The following KAZN variants were observed in gnomAD, a reference collection of about 807,000 sequenced individuals.
KAZN encodes the protein kazrin, periplakin interacting protein, also known as kazrin.
KAZN carries 40 observed loss-of-function variants against 87.4 expected under a neutral mutation model. The observed-to-expected ratio is 0.46, with a 90% CI of 0.36 to 0.60. The LOEUF is 0.60. Ranked by LOEUF, KAZN falls within the 20% of genes least tolerant of loss-of-function variation. The probability of loss-of-function intolerance (pLI) is 0.00; values close to 1 mark genes in which losing one functional copy is unlikely to be tolerated. For missense variants in KAZN, 898 were observed against 1,073.9 expected (o/e 0.84, Z 2.29); for synonymous variants, 466 against 458.3 (o/e 1.02, Z -0.22).
At chr1:14,396,665 G>A (rs971830659) in intron 2 of KAZN, among the ~76,000 whole-genome samples, 3 of 152,160 alleles carry the variant, frequency 2.0e-5, no homozygotes, top group Non-Finnish European at 4.4e-5. Flanking sequence ...AAATTGAGAA[G>A]CAGGCCAGTG....
chr1:15,041,062 T>C (rs1672842834), intron 3 of KAZN, among the ~76,000 whole-genome samples: 1 of 151,876 alleles, frequency 6.6e-6, no homozygotes, highest in South Asian at 2.1e-4. Context: ...GCGATTCTCG[T>C]GCCTCAGCCT....
chr1:14,151,275 G>T lies in KAZN; in HGVS notation c.92-29160G>T, dbSNP rs114763231. Reference sequence around the variant, plus strand: ...ATGGTCTCAACTGTACTGTTAAAAAGACACTAAACTGGTAGTTTTGAACCA... The same window carrying T: ...ATGGTCTCAACTGTACTGTTAAAAATACACTAAACTGGTAGTTTTGAACCA... On this transcript the variant is annotated intron_variant, in intron 1 of 16. Coordinates refer to the KAZN transcript ENST00000636203. 8.3e-3 allele frequency among the ~76,000 whole-genome samples: 1,266 copies of T among 152,132 alleles called. 13 individuals carry two copies. Among genetic ancestry groups the T allele is most frequent in the African/African-American group, 0.028 (1,175 of 41,524 alleles).
intron 1 of KAZN, among the ~76,000 whole-genome samples, chr1:14,909,287 G>A (rs1212530949): frequency 6.6e-6 from 1 of 152,122 alleles, no homozygotes; most frequent in Non-Finnish European, 1.5e-5. Flanking sequence ...GAGCATTTAA[G>A]TGCCTTCTTC....
intron 2 of KAZN, among the ~76,000 whole-genome samples, chr1:14,563,874 C>CTTTTTT (rs540880203): frequency 9.2e-5 from 9 of 97,928 alleles, no homozygotes; most frequent in Non-Finnish European, 1.6e-4. Context: ...GTTCAAACTC[C>CTTTTTT]TTTTTTTTTT....
intron 1 of KAZN, among the ~76,000 whole-genome samples, chr1:14,683,914 C>G (rs1171252510): frequency 6.6e-6 from 1 of 152,188 alleles, no homozygotes; most frequent in Non-Finnish European, 1.5e-5. Flanking sequence ...CACACTGATT[C>G]TTGAATGATA....
intron 10 of KAZN, 102 bp downstream of exon 10, chr1:15,095,035 T>C (rs1051263620): frequency 2.6e-6 from 2 of 782,628 alleles, no homozygotes; most frequent in African/African-American, 3.4e-5. Flanking sequence ...CTGAACCAGG[T>C]GGTGGGGGAC....
intron 2 of KAZN, among the ~76,000 whole-genome samples, chr1:14,409,598 T>C (rs1664140889): frequency 6.6e-6 from 1 of 152,152 alleles, no homozygotes; most frequent in Admixed American, 6.5e-5. Context: ...CCATGGGGAA[T>C]CTATAAGAAG....
intron 8 of KAZN, among the ~76,000 whole-genome samples, chr1:15,073,727 T>C (rs1557780065): frequency 3.3e-5 from 5 of 152,154 alleles, no homozygotes; most frequent in Admixed American, 2.6e-4. Flanking sequence ...CTGAGTGAGA[T>C]CTGAGTTCTG....
At chr1:13,938,583 G>T (rs774773002) in intron 1 of KAZN, among the ~76,000 whole-genome samples, 90 of 152,294 alleles carry the variant, frequency 5.9e-4, no homozygotes, top group Admixed American at 1.8e-3. Flanking sequence ...TGTCCAGGCA[G>T]AAGTCTGCTG....
At chr1:14,847,733 C>T (rs1314307213) in intron 1 of KAZN, among the ~76,000 whole-genome samples, 3 of 152,214 alleles carry the variant, frequency 2.0e-5, no homozygotes, top group Admixed American at 2.0e-4. Context: ...GTTATCCCAC[C>T]ACTTTGGGAA....
intron 1 of KAZN, among the ~76,000 whole-genome samples, chr1:14,104,121 G>T (rs1430776297): frequency 2.0e-5 from 3 of 152,212 alleles, no homozygotes. Flanking sequence ...CCCAGACAGG[G>T]TATAACCTAC....
At chr1:14,268,847 G>C (rs1218030581) in intron 2 of KAZN, among the ~76,000 whole-genome samples, 1 of 152,164 alleles carries the variant, frequency 6.6e-6, no homozygotes, top group Non-Finnish European at 1.5e-5. Flanking sequence ...ATTATCAGTG[G>C]TGTTGCCACC....
chr1:14,340,468 C>A (rs970247160), intron 2 of KAZN, among the ~76,000 whole-genome samples: 4 of 152,162 alleles, frequency 2.6e-5, no homozygotes, highest in Admixed American at 2.6e-4. Flanking sequence ...GGGTGTAACC[C>A]CCAGTTCTGG....
chr1:14,501,122 A>C (rs1402215586), intron 2 of KAZN, among the ~76,000 whole-genome samples: 5 of 136,658 alleles, frequency 3.7e-5, no homozygotes, highest in Non-Finnish European at 7.9e-5. Context: ...TAAATAAATA[A>C]ATAAATAAAA....
At chr1:14,610,677 G>A (rs1439817916) in intron 1 of KAZN, among the ~76,000 whole-genome samples, 1 of 151,964 alleles carries the variant, frequency 6.6e-6, no homozygotes, top group East Asian at 1.9e-4. Context: ...CTCCCCTGTG[G>A]AGAATTTTTT....
At position 14,525,918 on chromosome 1, in the gene KAZN, C is replaced by G. The variant is rs146898030; in HGVS notation, c.250-73065C>G. Among the ~76,000 whole-genome samples, 33 of 152,276 alleles carry G rather than the reference C, an allele frequency of 2.2e-4. 1 individual carries two copies. The East Asian group carries it at 6.2e-3, about 29-fold the overall frequency. Reference sequence around the variant, plus strand: ...AGAAGCTGAATACCTGGGATTTAAACCAAGGTCTTGGGATCTCAGAGCTGT... The same window carrying G: ...AGAAGCTGAATACCTGGGATTTAAAGCAAGGTCTTGGGATCTCAGAGCTGT... On this transcript the variant is annotated intron_variant, in intron 2 of 16. Coordinates refer to the KAZN transcript ENST00000636203.
At chr1:14,152,585 A>G (rs967611204) in intron 1 of KAZN, among the ~76,000 whole-genome samples, 9 of 152,174 alleles carry the variant, frequency 5.9e-5, no homozygotes, top group African/African-American at 2.2e-4. Flanking sequence ...TTATCCACTC[A>G]TCTATTGATG....
chr1:14,527,952 G>A, intron 2 of KAZN, among the ~76,000 whole-genome samples: 1 of 152,086 alleles, frequency 6.6e-6, no homozygotes, highest in East Asian at 1.9e-4. Context: ...TCACTTGTCT[G>A]GTGCCTGGGC....
intron 2 of KAZN, among the ~76,000 whole-genome samples, chr1:14,991,349 G>A (rs1371739216): frequency 1.3e-5 from 2 of 151,900 alleles, no homozygotes; most frequent in Non-Finnish European, 2.9e-5. Flanking sequence ...GAGACTCTGT[G>A]TCAAAAAAAA....
Sources: gnomAD v4.1 joint callset for allele counts (sites outside exome capture counted in the v4.1 genomes callset) on GRCh38, gnomAD v4.1.1 for gene constraint, MANE v1.5 for transcripts, NCBI Gene and HGNC (gene_info 2026-07-23, HGNC 2026-07-21) for gene names.